Variants in GADL1 observed in about 807,000 individuals in gnomAD.
The protein encoded by GADL1 is GAD like acidic amino acid decarboxylase 1.
Under a neutral mutation model 69.5 loss-of-function variants are expected in GADL1, and 71 were observed. That is an observed-to-expected ratio of 1.02 (90% CI 0.84 to 1.25). The LOEUF (loss-of-function observed/expected upper bound fraction) is 1.25. Ranked by LOEUF, GADL1 falls within the 50% of genes most tolerant of loss-of-function variation. GADL1 has a pLI of 0.00. For missense variants in GADL1, 737 were observed against 631.8 expected (o/e 1.17, Z -1.79); for synonymous variants, 254 against 214.4 (o/e 1.18, Z -1.62).
In GADL1 at chr3:30,728,228, G is replaced by C; in HGVS notation, c.*14C>G. Reference sequence around the variant, plus strand: ...CAGGATAGGATCTATGCCTCTGGGGGACCAAAGCCACAGCTACATGTCTTT... The same window carrying C: ...CAGGATAGGATCTATGCCTCTGGGGCACCAAAGCCACAGCTACATGTCTTT... On this transcript the variant is annotated 3_prime_UTR_variant, in exon 15 of 15. Transcript: ENST00000282538. The C allele has an allele frequency of 6.2e-7, 1 of 1,610,702 alleles. No individual in the cohort carries two copies. The highest frequency in any genetic ancestry group is 2.2e-5 in the East Asian group (1 of 44,802).
chr3:30,772,828 A>T (rs937350662), intron 14 of GADL1, among the ~76,000 whole-genome samples: 1 of 152,168 alleles, frequency 6.6e-6, no homozygotes, highest in African/African-American at 2.4e-5. Flanking sequence ...GTGAGCCAAG[A>T]TTGTGCCACT....
intron 11 of GADL1, 105 bp downstream of exon 11, chr3:30,833,748 T>C: frequency 2.7e-6 from 2 of 732,152 alleles, no homozygotes; most frequent in Non-Finnish European, 4.9e-6. Flanking sequence ...CACCTTCAAT[T>C]TACGCCTCGC....
intron 1 of GADL1, among the ~76,000 whole-genome samples, chr3:30,885,334 C>T (rs1440618252): frequency 6.6e-6 from 1 of 151,918 alleles, no homozygotes; most frequent in Non-Finnish European, 1.5e-5. Context: ...AATTAGAAAA[C>T]ATTTTAGATT....
chr3:30,866,487 T>C (rs1000759310), intron 1 of GADL1, among the ~76,000 whole-genome samples: 4 of 151,970 alleles, frequency 2.6e-5, no homozygotes, highest in African/African-American at 9.7e-5. Flanking sequence ...AGTACATAAA[T>C]GCATAAAGGA....
intron 11 of GADL1, among the ~76,000 whole-genome samples, chr3:30,827,995 G>A (rs1158754872): frequency 1.3e-5 from 2 of 151,806 alleles, no homozygotes; most frequent in African/African-American, 2.4e-5. Flanking sequence ...AATTTATAAT[G>A]TACCTGTACA....
chr3:30,803,484 A>G (rs1222478562), intron 11 of GADL1, among the ~76,000 whole-genome samples: 1 of 152,080 alleles, frequency 6.6e-6, no homozygotes. Context: ...CGAACTTTGG[A>G]CATTTCTTGA....
At chr3:30,888,592 A>G (rs1181180540) in intron 1 of GADL1, among the ~76,000 whole-genome samples, 1 of 152,124 alleles carries the variant, frequency 6.6e-6, no homozygotes, top group Non-Finnish European at 1.5e-5. Flanking sequence ...CCCAAGTGGG[A>G]CGCAATAGGG....
At chr3:30,790,768 C>T (rs949496376) in intron 12 of GADL1, among the ~76,000 whole-genome samples, 3 of 152,018 alleles carry the variant, frequency 2.0e-5, no homozygotes, top group African/African-American at 7.2e-5. Flanking sequence ...TATGTACTAT[C>T]TAAATGTCTG....
At chr3:30,775,178 A>G (rs1696507412) in intron 14 of GADL1, among the ~76,000 whole-genome samples, 1 of 152,306 alleles carries the variant, frequency 6.6e-6, no homozygotes, top group Non-Finnish European at 1.5e-5. Context: ...GCAAGCATAC[A>G]TATGCGCTCA....
chr3:30,840,145 AT>A (rs1020073546), intron 8 of GADL1, among the ~76,000 whole-genome samples: 5 of 152,084 alleles, frequency 3.3e-5, no homozygotes, highest in South Asian at 2.1e-4. Flanking sequence ...GCATGGAGCC[AT>A]TTTTTCCCCT....
At chr3:30,782,914 G>A (rs185745819) in intron 13 of GADL1, among the ~76,000 whole-genome samples, 57 of 151,904 alleles carry the variant, frequency 3.8e-4, no homozygotes, top group Admixed American at 1.3e-3. Flanking sequence ...TTAGCAATTA[G>A]GAGGTAGTTA....
chr3:30,828,531 TGAAAG>T (rs1372704054), intron 11 of GADL1, among the ~76,000 whole-genome samples: 2 of 151,038 alleles, frequency 1.3e-5, no homozygotes, highest in African/African-American at 2.4e-5. Context: ...AGAATGAAGA[TGAAAG>T]GAAAGGAAAA....
At chr3:30,776,247 G>A (rs80275828) in intron 14 of GADL1, among the ~76,000 whole-genome samples, 3,770 of 152,082 alleles carry the variant, frequency 0.025, 42 homozygotes, top group Non-Finnish European at 0.035. Context: ...ATTGTTTTTC[G>A]TAAACAATTT....
At chr3:30,879,972 G>A (rs928738195) in intron 1 of GADL1, among the ~76,000 whole-genome samples, 2 of 151,814 alleles carry the variant, frequency 1.3e-5, no homozygotes, top group South Asian at 2.1e-4. Flanking sequence ...CTTTCTCTTT[G>A]CATTCTACTT....
rs1379711164 is a variant in GADL1 at position 30,727,790 on chromosome 3, A to G, written c.*452T>C. 6.6e-6 allele frequency: 1 copy of G among 152,642 alleles called. No individual in the cohort carries two copies. Among genetic ancestry groups the G allele is most frequent in the African/African-American group, 2.4e-5 (1 of 41,454 alleles). 9.5% of individuals were successfully genotyped at this position (152,642 alleles called of 1,614,324 possible). ...ACACAGAATACTGGGCCTCACCCCC[A>G]GAGCTTCTGATCCAGTTGGTCTAGA... On this transcript the variant is annotated 3_prime_UTR_variant, in exon 15 of 15. Transcript: ENST00000282538.
At chr3:30,738,200 C>A (rs575691843) in intron 14 of GADL1, among the ~76,000 whole-genome samples, 33 of 152,168 alleles carry the variant, frequency 2.2e-4, no homozygotes, top group Non-Finnish European at 1.3e-4. Context: ...CTGTACTGCT[C>A]CCTAAATGCA....
At chr3:30,829,986 AAAG>A (rs1331226043) in intron 11 of GADL1, among the ~76,000 whole-genome samples, 1 of 151,966 alleles carries the variant, frequency 6.6e-6, no homozygotes, top group African/African-American at 2.4e-5. Flanking sequence ...GGGACTCTTC[AAAG>A]AAGAGGGTGA....
intron 12 of GADL1, chr3:30,800,306 T>C (rs1447184834): frequency 3.3e-5 from 5 of 152,768 alleles, no homozygotes; most frequent in African/African-American, 1.2e-4. Context: ...AATGCAAAAG[T>C]AGAAACCCCT....
chr3:30,728,143 C>G lies in GADL1; in HGVS notation c.*99G>C. 1.8e-6 allele frequency: 2 copies of G among 1,082,504 alleles called. No homozygotes were observed. Among genetic ancestry groups the G allele is most frequent in the Admixed American group, 3.9e-5 (2 of 51,834 alleles). 67.1% of individuals were successfully genotyped at this position (1,082,504 alleles called of 1,614,324 possible). A position where few individuals can be genotyped will look rare whatever the true frequency, so the allele number is the denominator to read the frequency against. ...CCTGGACTGGGAGTATTCCCTATTT[C>G]TCATCAGAAGGGCTGCAATCTACTG... On this transcript the variant is annotated 3_prime_UTR_variant, in exon 15 of 15. Coordinates refer to ENST00000282538, the MANE Select transcript of GADL1 (RefSeq NM_207359.3).
Sources: allele counts gnomAD v4.1 joint callset (sites outside exome capture counted in the v4.1 genomes callset), GRCh38; gene constraint gnomAD v4.1.1; transcripts MANE v1.5; gene names NCBI Gene and HGNC (gene_info 2026-07-23, HGNC 2026-07-21).